COL11A1: variants seen among roughly 807,000 people sequenced by gnomAD.
The protein encoded by COL11A1 is collagen alpha-1(XI) chain.
In COL11A1, 74 loss-of-function variants were observed where a neutral mutation model predicts 265.2. That is an observed-to-expected ratio of 0.28 (90% CI 0.23 to 0.34). The LOEUF (loss-of-function observed/expected upper bound fraction) is 0.34, where lower values mean the gene tolerates loss of function less well. Among genes scored for constraint, COL11A1 ranks in the 10% least tolerant of loss-of-function variants. The pLI is 1.00. For missense variants in COL11A1, 2,165 were observed against 2,263.6 expected (o/e 0.96, Z 0.88); for synonymous variants, 816 against 727.6 (o/e 1.12, Z -1.96).
chr1:103,086,396 C>T (rs1290552889), intron 1 of COL11A1, among the ~76,000 whole-genome samples: 3 of 151,468 alleles, frequency 2.0e-5, no homozygotes, highest in South Asian at 2.1e-4. Flanking sequence ...CTGCAAAGTC[C>T]ACAACGTATC....
intron 4 of COL11A1, among the ~76,000 whole-genome samples, chr1:103,045,104 A>G (rs1435359547): frequency 2.0e-5 from 3 of 152,066 alleles, no homozygotes; most frequent in East Asian, 3.9e-4. Flanking sequence ...TAATTAATAT[A>G]TTCAAGTGAG....
chr1:103,005,908 A>G lies in COL11A1; in HGVS notation c.1792-17T>C, dbSNP rs2101851501. On this transcript the variant is annotated splice_polypyrimidine_tract_variant and intron_variant, in intron 17 of 66. Transcript: ENST00000370096. ...TCGATCTCCCTGTAAAACCATCATC[A>G]TCATCATCATCATCATCATCATCAC... is the stretch of plus-strand genomic sequence containing the variant. 2 of 1,596,982 alleles carry G rather than the reference A, an allele frequency of 1.3e-6. No homozygotes were observed. The highest frequency in any genetic ancestry group is 2.7e-5 in the African/African-American group (2 of 74,172).
rs149947533 is a variant in COL11A1 at position 102,876,895 on chromosome 1, T to A, written c.*1124A>T. 4.3e-4 allele frequency: 65 copies of A among 152,432 alleles called. No homozygotes were observed. Among genetic ancestry groups the A allele is most frequent in the African/African-American group, 1.5e-3 (62 of 41,564 alleles). The allele number at this position is 152,432 out of a possible 1,614,324, so 9.4% of individuals were successfully genotyped here. A position where few individuals can be genotyped will look rare whatever the true frequency, so the allele number is the denominator to read the frequency against. Reference sequence around the variant, plus strand: ...TTAGCAATTAGGTAGGTCAAATGATTTATAAAATTATCTTGAAAGGAAAAA... The same window carrying A: ...TTAGCAATTAGGTAGGTCAAATGATATATAAAATTATCTTGAAAGGAAAAA... On this transcript the variant is annotated 3_prime_UTR_variant, in exon 67 of 67. Coordinates refer to ENST00000370096, the MANE Select transcript of COL11A1 (RefSeq NM_001854.4).
chr1:102,919,272 TAATC>T (rs1165319539), intron 49 of COL11A1, among the ~76,000 whole-genome samples: 1 of 152,030 alleles, frequency 6.6e-6, no homozygotes, highest in Admixed American at 6.6e-5. Flanking sequence ...AAAATTATCT[TAATC>T]AAATAATGAT....
intron 46 of COL11A1, among the ~76,000 whole-genome samples, chr1:102,928,162 C>A (rs1051816188): frequency 7.2e-5 from 11 of 152,040 alleles, no homozygotes; most frequent in Admixed American, 1.3e-4. Context: ...AGGTTAGTTA[C>A]ATATGTATAC....
In COL11A1 at chr1:103,074,395, C is replaced by T. The variant is rs139319371; in HGVS notation, c.651+223G>A. 3.9e-3 allele frequency among the ~76,000 whole-genome samples: 599 copies of T among 152,194 alleles called. 5 individuals carry two copies. The highest frequency in any genetic ancestry group is 0.014 in the African/African-American group (567 of 41,546). ...CATGTCTGTGTTCAAATCAACCAAT[C>T]CCTGTAAATGTTTCCCAGGCGTTAC... On this transcript the variant is annotated intron_variant, in intron 4 of 66. Coordinates refer to ENST00000370096, the MANE Select transcript of COL11A1 (RefSeq NM_001854.4).
rs1040252667 is a variant in COL11A1 at position 102,956,397 on chromosome 1, A to C, written c.3168+5469T>G. 7.2e-5 allele frequency among the ~76,000 whole-genome samples: 11 copies of C among 152,164 alleles called. 1 individual carries two copies. Among genetic ancestry groups the C allele is most frequent in the Admixed American group, 7.2e-4 (11 of 15,276 alleles). The stretch of plus-strand genomic sequence containing the variant: ...AAGGTCCATTTTATGAATCAATATA[A>C]CTTCAGTTTAATAGATTGTCTGATA... On this transcript the variant is annotated intron_variant, in intron 41 of 66. Coordinates refer to ENST00000370096, the MANE Select transcript of COL11A1 (RefSeq NM_001854.4).
chr1:102,914,227 G>A, intron 52 of COL11A1, 125 bp downstream of exon 52: 1 of 786,546 alleles, frequency 1.3e-6, no homozygotes, highest in South Asian at 1.7e-5. Flanking sequence ...TACTTTTTAT[G>A]TTTTCTTTTT....
intron 1 of COL11A1, among the ~76,000 whole-genome samples, chr1:103,084,869 T>C (rs1461683462): frequency 3.9e-5 from 6 of 152,218 alleles, no homozygotes; most frequent in Non-Finnish European, 7.3e-5. Flanking sequence ...GTTAAGTTCC[T>C]ACAGTCTATT....
rs2045819 is a variant in COL11A1, at chr1:102,934,758, T to C, written c.3493-202A>G. Among the ~76,000 whole-genome samples the C allele has an allele frequency of 0.68, 103,507 of 152,118 alleles. 39,138 individuals carry two copies. The highest frequency in any genetic ancestry group is 0.99 in the East Asian group (5,112 of 5,180). ...TTCTTTGCTTCTGGATCATAACTGA[T>C]TTTGATTTGATCCTGTATACCAAGT... On this transcript the variant is annotated intron_variant, in intron 45 of 66. Coordinates refer to ENST00000370096, the MANE Select transcript of COL11A1 (RefSeq NM_001854.4).
At position 103,022,802 on chromosome 1, in the gene COL11A1, G is replaced by C; in HGVS notation, c.1185C>G (p.Ser395Arg). 1 of 1,613,646 alleles carries C rather than the reference G, an allele frequency of 6.2e-7. No homozygotes were observed. Among genetic ancestry groups the C allele is most frequent in the Non-Finnish European group, 8.5e-7 (1 of 1,179,922 alleles). ...CTGGACCAAATTCTTCATTAGGGGG[G>C]CTTGTTGGTTTATCTTCATATTCTT... is the stretch of plus-strand genomic sequence containing the variant. ...EYKEYEDKPTSPPNEEFGPGV... is the reference protein window; with the variant it reads ...EYKEYEDKPTRPPNEEFGPGV... Residue 395 changes from serine to arginine, a missense_variant, in exon 8 of 67, where the codon AGC (serine) becomes AGG (arginine). Coordinates refer to ENST00000370096, the MANE Select transcript of COL11A1 (RefSeq NM_001854.4).
At chr1:102,933,065 A>T (rs1570775146) in intron 46 of COL11A1, among the ~76,000 whole-genome samples, 2 of 145,556 alleles carry the variant, frequency 1.4e-5, no homozygotes, top group African/African-American at 2.5e-5. Flanking sequence ...GAGTAATTTG[A>T]TCGTCTGAAG....
Position 102,996,830 on chromosome 1 carries a change from T to C in COL11A1, c.2241+250A>G, listed in dbSNP as rs2622868. 0.9 allele frequency among the ~76,000 whole-genome samples: 136,421 copies of C among 151,882 alleles called. 62,130 individuals carry two copies. The highest frequency in any genetic ancestry group is 1 in the East Asian group (5,170 of 5,170). On this transcript the variant is annotated intron_variant, in intron 26 of 66. Transcript: ENST00000370096. The stretch of plus-strand genomic sequence containing the variant: ...CCCAATTTCATTGTTTATATTATTA[T>C]CATTTACTCCATATATAATACACAT...
chr1:103,093,987 T>G (rs768982158), intron 1 of COL11A1, among the ~76,000 whole-genome samples: 2 of 152,062 alleles, frequency 1.3e-5, no homozygotes, highest in African/African-American at 2.4e-5. Context: ...ATGTCATCAT[T>G]GTTACAGAGA....
chr1:103,002,570 C>A (rs1052237428), intron 22 of COL11A1, 89 bp from the exon 23 acceptor site: 34 of 1,216,982 alleles, frequency 2.8e-5, no homozygotes, highest in Non-Finnish European at 3.4e-5. Context: ...CTCTACCCAC[C>A]CTCAAACAGT....
chr1:103,086,572 A>T (rs554319820), intron 1 of COL11A1, among the ~76,000 whole-genome samples: 6 of 151,932 alleles, frequency 3.9e-5, no homozygotes, highest in African/African-American at 1.5e-4. Context: ...GCCCGCCACC[A>T]CGCCCGGCTA....
intron 35 of COL11A1, among the ~76,000 whole-genome samples, chr1:102,975,158 G>T (rs1397079128): frequency 1.3e-5 from 2 of 150,812 alleles, no homozygotes; most frequent in Non-Finnish European, 2.9e-5. Context: ...AAAGTGAATA[G>T]AACATGTAAG....
intron 46 of COL11A1, among the ~76,000 whole-genome samples, chr1:102,924,402 A>C (rs977704829): frequency 5.9e-5 from 9 of 152,218 alleles, no homozygotes; most frequent in Admixed American, 5.9e-4. Context: ...TGATCTTCCC[A>C]AAAATTATTC....
At chr1:102,902,066 T>C (rs1253432833) in intron 54 of COL11A1, among the ~76,000 whole-genome samples, 1 of 152,244 alleles carries the variant, frequency 6.6e-6, no homozygotes, top group Non-Finnish European at 1.5e-5. Flanking sequence ...GTCTCTGATC[T>C]GAATCTTACA....
Sources: gnomAD v4.1 joint callset for allele counts (sites outside exome capture counted in the v4.1 genomes callset) on GRCh38, gnomAD v4.1.1 for gene constraint, MANE v1.5 for transcripts, NCBI Gene and HGNC (gene_info 2026-07-23, HGNC 2026-07-21) for gene names.